HDAC9: variants seen among roughly 807,000 people sequenced by gnomAD.
HDAC9 encodes histone deacetylase 9.
HDAC9 carries 41 observed loss-of-function variants against 139.4 expected under a neutral mutation model. The observed-to-expected ratio is 0.29, with a 90% CI of 0.23 to 0.38. The LOEUF (loss-of-function observed/expected upper bound fraction) is 0.38. HDAC9 is among the 10% of genes least tolerant of loss of function. The pLI is 1.00. For synonymous variants in HDAC9, 517 were observed against 476.2 expected (o/e 1.09, Z -1.12); for missense variants, 1,147 against 1,297.0 (o/e 0.88, Z 1.78).
At chr7:18,940,879 G>A (rs1204482492) in intron 23 of HDAC9, among the ~76,000 whole-genome samples, 1 of 152,072 alleles carries the variant, frequency 6.6e-6, no homozygotes, top group African/African-American at 2.4e-5. Flanking sequence ...AAAACTTCAA[G>A]CAAGTCAAAG....
intron 14 of HDAC9, among the ~76,000 whole-genome samples, chr7:18,750,070 A>G (rs1261689467): frequency 1.3e-5 from 2 of 152,232 alleles, no homozygotes; most frequent in Admixed American, 1.3e-4. Flanking sequence ...CTGAGTCTGT[A>G]AAATATTTTA....
chr7:18,218,885 C>T lies in HDAC9; in HGVS notation c.25+56536C>T, dbSNP rs1325171015. On this transcript the variant is annotated intron_variant, in intron 2 of 12. Transcript: ENST00000417496. ...TATTTCTTGTCTACAAATCCTTGAG[C>T]ACATCTCCTGCCATTTACCTAAAAT... 5.9e-5 allele frequency among the ~76,000 whole-genome samples: 9 copies of T among 152,206 alleles called. No individual in the cohort carries two copies. The South Asian group carries it at 1.7e-3, about 28-fold the overall frequency.
intron 12 of HDAC9, among the ~76,000 whole-genome samples, chr7:18,671,590 A>G (rs1035111320): frequency 6.6e-6 from 1 of 151,942 alleles, no homozygotes; most frequent in Admixed American, 6.6e-5. Context: ...AATTCTCACT[A>G]TATTTACTGG....
intron 2 of HDAC9, among the ~76,000 whole-genome samples, chr7:18,258,636 GAAAT>G (rs1795438257): frequency 6.6e-6 from 1 of 152,188 alleles, no homozygotes; most frequent in African/African-American, 2.4e-5. Flanking sequence ...CTAGCTCAGA[GAAAT>G]AACTTGGTTT....
chr7:18,896,529 A>G (rs763266839), intron 22 of HDAC9, among the ~76,000 whole-genome samples: 2 of 152,072 alleles, frequency 1.3e-5, no homozygotes, highest in African/African-American at 2.4e-5. Flanking sequence ...GAAGAGAGAC[A>G]TCCTGTTTGG....
intron 1 of HDAC9, among the ~76,000 whole-genome samples, chr7:18,479,438 C>T (rs1338616740): frequency 6.6e-6 from 1 of 152,106 alleles, no homozygotes; most frequent in African/African-American, 2.4e-5. Context: ...ATATGTGGGA[C>T]AATATTCCAC....
At chr7:18,637,853 C>G (rs1049964488) in intron 8 of HDAC9, among the ~76,000 whole-genome samples, 2 of 151,888 alleles carry the variant, frequency 1.3e-5, no homozygotes, top group Non-Finnish European at 1.5e-5. Context: ...GGAATTTAGA[C>G]TAAGACTGTC....
intron 6 of HDAC9, among the ~76,000 whole-genome samples, chr7:18,595,985 A>G (rs1300958965): frequency 3.3e-5 from 5 of 152,108 alleles, no homozygotes; most frequent in Non-Finnish European, 7.4e-5. Flanking sequence ...CTCAGGATAT[A>G]TATGTTACAA....
chr7:18,104,246 T>G lies in HDAC9; in HGVS notation c.-97+17033T>G, dbSNP rs574038665. Among the ~76,000 whole-genome samples, 347 of 51,544 alleles carry G rather than the reference T, an allele frequency of 6.7e-3. 1 individual carries two copies. Among genetic ancestry groups the G allele is most frequent in the African/African-American group, 0.013 (338 of 26,006 alleles). The allele number at this position is 51,544 out of a possible 152,430, so 33.8% of individuals were successfully genotyped here. On this transcript the variant is annotated intron_variant, in intron 1 of 12. Coordinates refer to the HDAC9 transcript ENST00000417496. ...GCTGTACATTGTTCCCATAATTGTA[T>G]TTTTTTTTTTGTTTATAAGACACAT... is the stretch of plus-strand genomic sequence containing the variant.
intron 11 of HDAC9, among the ~76,000 whole-genome samples, chr7:18,662,471 T>C (rs1042703007): frequency 7.2e-4 from 109 of 151,926 alleles, no homozygotes; most frequent in African/African-American, 2.5e-3. Flanking sequence ...AGAGTACTAG[T>C]GAGAGCATTC....
chr7:18,223,239 G>A (rs1792825071), intron 2 of HDAC9, among the ~76,000 whole-genome samples: 1 of 151,930 alleles, frequency 6.6e-6, no homozygotes. Context: ...TACGTATGTT[G>A]TAAATATTTA....
intron 2 of HDAC9, among the ~76,000 whole-genome samples, chr7:18,541,451 C>G: frequency 6.6e-6 from 1 of 152,150 alleles, no homozygotes; most frequent in East Asian, 1.9e-4. Context: ...GGCTCCCAAG[C>G]TAATGACTCT....
intron 2 of HDAC9, among the ~76,000 whole-genome samples, chr7:18,262,971 A>C (rs1414913070): frequency 6.6e-6 from 1 of 152,202 alleles, no homozygotes; most frequent in African/African-American, 2.4e-5. Flanking sequence ...TATAGAAAAC[A>C]AATAACAAAA....
At position 18,732,765 on chromosome 7, in the gene HDAC9, G is replaced by T. The variant is rs549851273; in HGVS notation, c.1909+5008G>T. Among the ~76,000 whole-genome samples the T allele has an allele frequency of 2.1e-4, 16 of 77,072 alleles. 1 individual carries two copies. Among genetic ancestry groups the T allele is most frequent in the South Asian group, 8.2e-4 (2 of 2,432 alleles). 50.6% of individuals were successfully genotyped at this position (77,072 alleles called of 152,430 possible). ...TGCGTATGTGTACACACACGTGTAT[G>T]TGTGCGTATGTGTACACACACGTGT... On this transcript the variant is annotated intron_variant, in intron 13 of 25. Transcript: ENST00000686413.
intron 17 of HDAC9, among the ~76,000 whole-genome samples, chr7:18,814,176 A>G (rs1198425624): frequency 6.6e-6 from 1 of 152,192 alleles, no homozygotes; most frequent in East Asian, 1.9e-4. Flanking sequence ...TCAGTACCTG[A>G]CACCTACTTT....
chr7:18,874,502 A>G lies in HDAC9; in HGVS notation c.2709A>G (p.Lys903=). The G allele has an allele frequency of 6.3e-7, 1 of 1,590,522 alleles. No individual in the cohort carries two copies. The highest frequency in any genetic ancestry group is 8.6e-7 in the Non-Finnish European group (1 of 1,167,276). Residue 903 remains lysine, a synonymous_variant, in exon 22 of 26, where the codon AAA becomes AAG. Transcript: ENST00000686413. ...AFRTIVKPVA[K]EFDPDMVLVS... is the part of the protein sequence containing the mutation. ...GGACCATCGTGAAGCCTGTGGCCAA[A>G]GAGTTTGATCCAGACATGGTCTTAG...
chr7:18,821,749 A>G (rs1286999447), intron 17 of HDAC9, among the ~76,000 whole-genome samples: 2 of 152,204 alleles, frequency 1.3e-5, no homozygotes, highest in Non-Finnish European at 2.9e-5. Flanking sequence ...GCTCAATCCC[A>G]CAAGACTGTC....
In HDAC9 at chr7:18,840,415, C is replaced by T. The variant is rs556887008; in HGVS notation, c.2684+4418C>T. Among the ~76,000 whole-genome samples, 3 of 152,142 alleles carry T rather than the reference C, an allele frequency of 2.0e-5. No homozygotes were observed. The East Asian group carries it at 5.8e-4, about 29-fold the overall frequency. On this transcript the variant is annotated intron_variant, in intron 21 of 25. Coordinates refer to ENST00000686413, the MANE Select transcript of HDAC9 (RefSeq NM_178425.4). ...GAAAACTCTGACCCAGAAGGACTCT[C>T]TTGCACTGAGGTTGTCAGTATGCCA... is the stretch of plus-strand genomic sequence containing the variant.
At chr7:18,117,002 T>A (rs1312575317) in intron 1 of HDAC9, among the ~76,000 whole-genome samples, 2 of 152,208 alleles carry the variant, frequency 1.3e-5, no homozygotes, top group African/African-American at 4.8e-5. Context: ...TTAGCCTGAA[T>A]AACATTTCAA....
Sources: gnomAD v4.1 joint callset for allele counts (sites outside exome capture counted in the v4.1 genomes callset) on GRCh38, gnomAD v4.1.1 for gene constraint, MANE v1.5 for transcripts, NCBI Gene and HGNC (gene_info 2026-07-23, HGNC 2026-07-21) for gene names.